The following SUGCT variants were observed in gnomAD, a reference collection of about 807,000 sequenced individuals.
SUGCT encodes succinyl-CoA:glutarate-CoA transferase.
SUGCT carries 41 observed loss-of-function variants against 55.0 expected under a neutral mutation model. That is an observed-to-expected ratio of 0.74 (90% CI 0.58 to 0.97). The LOEUF (loss-of-function observed/expected upper bound fraction) is 0.97. SUGCT is among the 50% of genes least tolerant of loss of function. The probability of loss-of-function intolerance (pLI) is 0.00; values close to 1 mark genes in which losing one functional copy is unlikely to be tolerated. For missense variants in SUGCT, 568 were observed against 547.8 expected (o/e 1.04, Z -0.37); for synonymous variants, 187 against 200.4 (o/e 0.93, Z 0.56).
At chr7:40,332,462 T>TG (rs71000109) in intron 9 of SUGCT, among the ~76,000 whole-genome samples, 1 of 151,862 alleles carries the variant, frequency 6.6e-6, no homozygotes, top group African/African-American at 2.4e-5. Flanking sequence ...TTTGTTTTTT[T>TG]TTTTTTACAT....
At chr7:40,853,088 A>G (rs1793937129) in intron 13 of SUGCT, among the ~76,000 whole-genome samples, 2 of 151,830 alleles carry the variant, frequency 1.3e-5, no homozygotes, top group African/African-American at 4.8e-5. Context: ...AAAAAAAAAA[A>G]AAGAAAGAAA....
intron 9 of SUGCT, among the ~76,000 whole-genome samples, chr7:40,424,839 A>G (rs551349291): frequency 6.6e-6 from 1 of 152,246 alleles, no homozygotes; most frequent in Admixed American, 6.5e-5. Context: ...AAGTGTGATA[A>G]TTATACATAT....
chr7:40,221,636 G>A lies in SUGCT; in HGVS notation c.485-15999G>A, dbSNP rs373834583. 4.2e-4 allele frequency among the ~76,000 whole-genome samples: 63 copies of A among 150,878 alleles called. 1 individual carries two copies. The South Asian group carries it at 0.012, about 30-fold the overall frequency. Reference sequence around the variant, plus strand: ...CTCCCGAGTAGCTGGGATTACAGGCGTGTGCCACCACGCCTGGCTAATTTT... The same window carrying A: ...CTCCCGAGTAGCTGGGATTACAGGCATGTGCCACCACGCCTGGCTAATTTT... On this transcript the variant is annotated intron_variant, in intron 6 of 13. Transcript: ENST00000335693.
chr7:40,392,684 T>C (rs1403229326), intron 9 of SUGCT, among the ~76,000 whole-genome samples: 1 of 152,162 alleles, frequency 6.6e-6, no homozygotes, highest in East Asian at 1.9e-4. Context: ...TTAGGTAAAT[T>C]ACTCTTGAAT....
intron 1 of SUGCT, among the ~76,000 whole-genome samples, chr7:40,172,778 G>A (rs1784737224): frequency 6.6e-6 from 1 of 152,152 alleles, no homozygotes; most frequent in Non-Finnish European, 1.5e-5. Context: ...CTGGTTCCAG[G>A]CAGACCATCG....
At chr7:40,189,082 G>C (rs1785719544) in intron 4 of SUGCT, among the ~76,000 whole-genome samples, 1 of 152,210 alleles carries the variant, frequency 6.6e-6, no homozygotes, top group South Asian at 2.1e-4. Context: ...GGTGGCTCAT[G>C]CCTTTAATCC....
chr7:40,861,090 T>A (rs1020608000), downstream of SUGCT, among the ~76,000 whole-genome samples: 2 of 152,210 alleles, frequency 1.3e-5, no homozygotes, highest in African/African-American at 4.8e-5. Flanking sequence ...AATATTTGCT[T>A]TATGTTGTAT....
chr7:40,976,044 A>T, the SUGCT span, among the ~76,000 whole-genome samples: 1 of 152,146 alleles, frequency 6.6e-6, no homozygotes, highest in Non-Finnish European at 1.5e-5. Flanking sequence ...TGGATCAGTT[A>T]TGGCTAGCGT....
chr7:40,707,249 T>TAAA (rs34544373), intron 12 of SUGCT, among the ~76,000 whole-genome samples: 2 of 150,220 alleles, frequency 1.3e-5, no homozygotes, highest in African/African-American at 4.9e-5. Flanking sequence ...TTTTTTTTTT[T>TAAA]AAAAAGGCAG....
intron 9 of SUGCT, among the ~76,000 whole-genome samples, chr7:40,338,851 C>T (rs969912180): frequency 2.0e-5 from 3 of 152,126 alleles, no homozygotes; most frequent in Non-Finnish European, 4.4e-5. Flanking sequence ...AGTTTTTCTG[C>T]CCTGTTTTTT....
intron 1 of SUGCT, among the ~76,000 whole-genome samples, chr7:40,167,992 T>C (rs530531510): frequency 6.6e-6 from 1 of 152,342 alleles, no homozygotes; most frequent in East Asian, 1.9e-4. Context: ...CTGGGGTTTA[T>C]ATCCCAATCA....
chr7:40,403,325 C>G (rs962263768), intron 9 of SUGCT, among the ~76,000 whole-genome samples: 6 of 152,080 alleles, frequency 3.9e-5, no homozygotes, highest in Non-Finnish European at 8.8e-5. Context: ...TTCACAGATA[C>G]ATAACATAAG....
At chr7:40,719,984 T>C (rs1786235513) in intron 12 of SUGCT, among the ~76,000 whole-genome samples, 1 of 151,958 alleles carries the variant, frequency 6.6e-6, no homozygotes, top group Admixed American at 6.6e-5. Context: ...TTAGTAGAGA[T>C]CATGTTGGCC....
At chr7:40,200,868 C>G (rs1786554994) in intron 6 of SUGCT, among the ~76,000 whole-genome samples, 1 of 152,032 alleles carries the variant, frequency 6.6e-6, no homozygotes, top group African/African-American at 2.4e-5. Context: ...ATTAAAGGCC[C>G]TCATAGTGTT....
the SUGCT span, among the ~76,000 whole-genome samples, chr7:41,002,190 T>G: frequency 6.6e-6 from 1 of 152,262 alleles, no homozygotes; most frequent in Admixed American, 6.5e-5. Context: ...TTGGCTAATT[T>G]TTGTATTATT....
At chr7:40,947,773 T>G in the SUGCT span, among the ~76,000 whole-genome samples, 1 of 152,224 alleles carries the variant, frequency 6.6e-6, no homozygotes, top group Non-Finnish European at 1.5e-5. Context: ...AGACATTTCC[T>G]TAAATGCTTG....
At chr7:40,145,066 C>T (rs1788174077) in intron 1 of SUGCT, among the ~76,000 whole-genome samples, 1 of 152,140 alleles carries the variant, frequency 6.6e-6, no homozygotes. Flanking sequence ...GTCCAGTTTA[C>T]AGAAAAGCTG....
At chr7:40,568,998 C>T (rs1017175480) in intron 12 of SUGCT, among the ~76,000 whole-genome samples, 1 of 152,108 alleles carries the variant, frequency 6.6e-6, no homozygotes, top group Non-Finnish European at 1.5e-5. Context: ...TAACACCTAC[C>T]TTTAAGGATT....
At chr7:40,661,166 C>G (rs546578353) in intron 12 of SUGCT, among the ~76,000 whole-genome samples, 2 of 152,330 alleles carry the variant, frequency 1.3e-5, no homozygotes, top group South Asian at 2.1e-4. Context: ...CTTCTCCAGT[C>G]TCTTCTTAAA....
Sources: gnomAD v4.1 joint callset for allele counts (sites outside exome capture counted in the v4.1 genomes callset) on GRCh38, gnomAD v4.1.1 for gene constraint, MANE v1.5 for transcripts, NCBI Gene and HGNC (gene_info 2026-07-23, HGNC 2026-07-21) for gene names.